The following PCGF6 variants were observed in gnomAD, a reference collection of about 807,000 sequenced individuals.
PCGF6 encodes the protein polycomb group RING finger protein 6.
In PCGF6, 24 loss-of-function variants were observed where a neutral mutation model predicts 45.5. The observed-to-expected ratio is 0.53, with a 90% CI of 0.38 to 0.74. The LOEUF is 0.74. PCGF6 is among the 30% of genes least tolerant of loss of function. The pLI, the probability that PCGF6 is intolerant of heterozygous loss-of-function variation, is 0.00. For synonymous variants in PCGF6, 152 were observed against 162.1 expected (o/e 0.94, Z 0.47); for missense variants, 356 against 443.2 (o/e 0.80, Z 1.77).
At chr10:103,304,013 G>A in intron 9 of PCGF6, 52 bp from the exon 10 acceptor site, 1 of 1,451,246 alleles carries the variant, frequency 6.9e-7, no homozygotes, top group East Asian at 2.3e-5. Context: ...AACCAGTAAT[G>A]CAAATGATCA....
chr10:103,344,844 A>G (rs1412503389), intron 6 of PCGF6, among the ~76,000 whole-genome samples, 180 bp downstream of exon 6: 2 of 152,184 alleles, frequency 1.3e-5, no homozygotes, highest in Non-Finnish European at 2.9e-5. Context: ...TGTTGGGATT[A>G]CAGGCGTGAG....
chr10:103,348,021 CTGAG>C (rs1338228544), intron 3 of PCGF6, among the ~76,000 whole-genome samples: 6 of 151,946 alleles, frequency 3.9e-5, no homozygotes, highest in Admixed American at 1.3e-4. Context: ...TCTTAAGAAA[CTGAG>C]TATGAACTGG....
chr10:103,324,877 G>A (rs2093211706), intron 8 of PCGF6, among the ~76,000 whole-genome samples: 1 of 151,654 alleles, frequency 6.6e-6, no homozygotes, highest in Non-Finnish European at 1.5e-5. Flanking sequence ...GCTCACGCCT[G>A]TAATCCCAGC....
At position 103,347,237 on chromosome 10, in the gene PCGF6, C is replaced by A. The variant is rs913875703; in HGVS notation, c.673+1G>T. On this transcript the variant is annotated splice_donor_variant, in intron 5 of 9. Coordinates refer to ENST00000369847, the MANE Select transcript of PCGF6 (RefSeq NM_001011663.2). LOFTEE classifies it high-confidence loss of function. ...ACATTATAGTATACACCCAAACTTA[C>A]CAGGTTTAGGTACTTCTAGACCTCT... is the stretch of plus-strand genomic sequence containing the variant. 1 of 1,600,800 alleles carries A rather than the reference C, an allele frequency of 6.2e-7. No homozygotes were observed. The highest frequency in any genetic ancestry group is 8.6e-7 in the Non-Finnish European group (1 of 1,168,888).
At chr10:103,315,968 A>ATGTG (rs755606997) in intron 8 of PCGF6, among the ~76,000 whole-genome samples, 1,610 of 118,880 alleles carry the variant, frequency 0.014, 34 homozygotes, top group African/African-American at 0.04. Context: ...AACAGCTTAT[A>ATGTG]TGTGTGTGTG....
At chr10:103,326,666 T>G (rs760177122) in intron 7 of PCGF6, 34 bp from the exon 8 acceptor site, 9 of 1,518,462 alleles carry the variant, frequency 5.9e-6, no homozygotes, top group Admixed American at 5.3e-5. Flanking sequence ...TATTTTTAGG[T>G]TAAATATACC....
In PCGF6 at chr10:103,318,218, A is replaced by G. The variant is rs534616535; in HGVS notation, c.910-3946T>C. On this transcript the variant is annotated intron_variant, in intron 8 of 9. Coordinates refer to ENST00000369847, the MANE Select transcript of PCGF6 (RefSeq NM_001011663.2). The stretch of plus-strand genomic sequence containing the variant: ...AGCACTTTGGGAGGCCGAGACGGGC[A>G]GATCACCTGAGGTCAGGAGTTCGAG... 3.1e-4 allele frequency among the ~76,000 whole-genome samples: 46 copies of G among 149,054 alleles called. No individual in the cohort carries two copies. The East Asian group carries it at 9.0e-3, about 29-fold the overall frequency.
intron 1 of PCGF6, 78 bp from the exon 2 acceptor site, chr10:103,349,077 C>G: frequency 4.8e-6 from 6 of 1,238,786 alleles, no homozygotes; most frequent in Non-Finnish European, 6.9e-6. Context: ...GAGACAGAGT[C>G]TCACTCTGTA....
intron 1 of PCGF6, among the ~76,000 whole-genome samples, chr10:103,350,125 C>T (rs557780578): frequency 1.3e-5 from 2 of 151,200 alleles, no homozygotes; most frequent in South Asian, 2.1e-4. Flanking sequence ...ATCTTTACTG[C>T]CTAGTAAGCA....
chr10:103,315,250 A>G (rs559079544), intron 8 of PCGF6, among the ~76,000 whole-genome samples: 1 of 152,268 alleles, frequency 6.6e-6, no homozygotes, highest in African/African-American at 2.4e-5. Context: ...CAGTGGCCCA[A>G]TCATAGCTCA....
At chr10:103,312,163 G>A (rs1233801365) in intron 9 of PCGF6, among the ~76,000 whole-genome samples, 1 of 150,396 alleles carries the variant, frequency 6.6e-6, no homozygotes, top group East Asian at 2.0e-4. Flanking sequence ...GGAGGCTGAT[G>A]CAGGCAGATC....
chr10:103,315,133 A>T (rs1186528250), intron 8 of PCGF6, among the ~76,000 whole-genome samples: 1 of 152,078 alleles, frequency 6.6e-6, no homozygotes, highest in Admixed American at 6.6e-5. Flanking sequence ...TTGTAGATGG[A>T]ACAATTTCAA....
intron 1 of PCGF6, 76 bp from the exon 2 acceptor site, chr10:103,349,075 GTC>G: frequency 8.0e-7 from 1 of 1,256,142 alleles, no homozygotes; most frequent in Non-Finnish European, 1.1e-6. Flanking sequence ...TTGAGACAGA[GTC>G]TCACTCTGTA....
At chr10:103,315,558 AGT>A (rs982189868) in intron 8 of PCGF6, among the ~76,000 whole-genome samples, 1 of 152,094 alleles carries the variant, frequency 6.6e-6, no homozygotes, top group Admixed American at 6.6e-5. Flanking sequence ...ACGGGGTTTC[AGT>A]GTGTTAGCCA....
chr10:103,348,657 T>C (rs1472937970), intron 3 of PCGF6, 59 bp downstream of exon 3: 2 of 1,273,682 alleles, frequency 1.6e-6, no homozygotes, highest in African/African-American at 3.0e-5. Context: ...ACTATATAAC[T>C]TCAAGCTTTC....
At chr10:103,317,063 T>G (rs2133563010) in intron 8 of PCGF6, among the ~76,000 whole-genome samples, 1 of 152,272 alleles carries the variant, frequency 6.6e-6, no homozygotes, top group East Asian at 1.9e-4. Context: ...CAGGCTGGAG[T>G]GCAGTGGCGC....
intron 8 of PCGF6, among the ~76,000 whole-genome samples, chr10:103,322,936 TACAC>T (rs1189545187): frequency 6.8e-6 from 1 of 147,610 alleles, no homozygotes; most frequent in East Asian, 2.0e-4. Flanking sequence ...ACACAAAACA[TACAC>T]ACACACAGAC....
At position 103,350,692 on chromosome 10, in the gene PCGF6, G is replaced by A. The variant is rs563778297; in HGVS notation, c.360+15C>T. On this transcript the variant is annotated intron_variant, in intron 1 of 9. Coordinates refer to ENST00000369847, the MANE Select transcript of PCGF6 (RefSeq NM_001011663.2). ...CCGCTTGGGCCCAGCGGGGTCGCGC[G>A]GGGGCTCTAAATACCTCCTCCTCGT... is the stretch of plus-strand genomic sequence containing the variant. The A allele has an allele frequency of 3.5e-5, 52 of 1,466,928 alleles. No individual in the cohort carries two copies. In the East Asian group the frequency reaches 1.2e-3, roughly 35 times the overall value. The allele number at this position is 1,466,928 out of a possible 1,614,324, so 90.9% of individuals were successfully genotyped here. A position where few individuals can be genotyped will look rare whatever the true frequency, so the allele number is the denominator to read the frequency against.
At chr10:103,318,110 T>C (rs1026722835) in intron 8 of PCGF6, among the ~76,000 whole-genome samples, 1 of 151,032 alleles carries the variant, frequency 6.6e-6, no homozygotes, top group Non-Finnish European at 1.5e-5. Flanking sequence ...ACACTATGTG[T>C]GCATGTGGGT....
Sources: gnomAD v4.1 joint callset for allele counts (sites outside exome capture counted in the v4.1 genomes callset) on GRCh38, gnomAD v4.1.1 for gene constraint, MANE v1.5 for transcripts, NCBI Gene and HGNC (gene_info 2026-07-23, HGNC 2026-07-21) for gene names.